Variants in CAMKMT observed in about 807,000 individuals in gnomAD.
The protein encoded by CAMKMT is CaM KMT.
In CAMKMT, 53 loss-of-function variants were observed where a neutral mutation model predicts 48.0. That is an observed-to-expected ratio of 1.10 (90% CI 0.89 to 1.39). The LOEUF (loss-of-function observed/expected upper bound fraction) is 1.39. Among genes scored for constraint, CAMKMT ranks in the 40% most tolerant of loss-of-function variants. CAMKMT has a pLI of 0.00. For missense variants in CAMKMT, 428 were observed against 402.7 expected (o/e 1.06, Z -0.54); for synonymous variants, 165 against 152.3 (o/e 1.08, Z -0.61).
intron 3 of CAMKMT, among the ~76,000 whole-genome samples, chr2:44,557,203 C>A (rs182394602): frequency 6.6e-6 from 1 of 152,128 alleles, no homozygotes; most frequent in East Asian, 1.9e-4. Flanking sequence ...TGTCCTCTTT[C>A]TGCCATCACT....
rs70937918 is a variant in CAMKMT, at chr2:44,497,709, AAGAGAGAG to A, written c.376+107431_376+107438del. Among the ~76,000 whole-genome samples, 90 of 138,986 alleles carry A rather than the reference AAGAGAGAG, an allele frequency of 6.5e-4. No individual in the cohort carries two copies. The East Asian group carries it at 7.4e-3, about 11-fold the overall frequency. The allele number at this position is 138,986 out of a possible 152,430, so 91.2% of individuals were successfully genotyped here. On this transcript the variant is annotated intron_variant, in intron 3 of 10. Coordinates refer to ENST00000378494, the MANE Select transcript of CAMKMT (RefSeq NM_024766.5). ...GTAATTTAAAAAAATTAAGCAGGCA[AAGAGAGAG>A]AGAGAGAGAGAGAGAGAGAGAGAGA...
chr2:44,369,003 A>G (rs1678899938), intron 1 of CAMKMT, among the ~76,000 whole-genome samples: 1 of 152,064 alleles, frequency 6.6e-6, no homozygotes, highest in African/African-American at 2.4e-5. Flanking sequence ...CTCGTGCCTC[A>G]GCCTCTCAAG....
chr2:44,715,591 C>G (rs964108137), intron 7 of CAMKMT, among the ~76,000 whole-genome samples: 1 of 152,152 alleles, frequency 6.6e-6, no homozygotes, highest in African/African-American at 2.4e-5. Context: ...ATATTAAACA[C>G]TGGGTTGGGG....
At chr2:44,718,697 AT>A (rs1392359038) in intron 7 of CAMKMT, among the ~76,000 whole-genome samples, 1 of 152,186 alleles carries the variant, frequency 6.6e-6, no homozygotes, top group Non-Finnish European at 1.5e-5. Context: ...TCTGGTTAAT[AT>A]TAGTTGAGAG....
chr2:44,550,885 C>G (rs991045456), intron 3 of CAMKMT: 1 of 152,186 alleles, frequency 6.6e-6, no homozygotes, highest in East Asian at 1.9e-4. Flanking sequence ...CTCTGTATAT[C>G]TTCATAGAGA....
At chr2:44,429,112 C>T (rs1410693150) in intron 3 of CAMKMT, among the ~76,000 whole-genome samples, 1 of 152,128 alleles carries the variant, frequency 6.6e-6, no homozygotes, top group African/African-American at 2.4e-5. Context: ...TGAGCCCCAC[C>T]AGTGAAATTG....
At chr2:44,488,956 C>T (rs571039125) in intron 3 of CAMKMT, among the ~76,000 whole-genome samples, 28 of 151,828 alleles carry the variant, frequency 1.8e-4, no homozygotes, top group African/African-American at 3.4e-4. Flanking sequence ...GCCTTGAACT[C>T]GTGGGCTCAA....
At chr2:44,561,308 A>T (rs1398269412) in intron 3 of CAMKMT, among the ~76,000 whole-genome samples, 3 of 152,168 alleles carry the variant, frequency 2.0e-5, no homozygotes, top group Non-Finnish European at 4.4e-5. Context: ...TGAATTCTCC[A>T]TCTAGCTGGT....
intron 3 of CAMKMT, among the ~76,000 whole-genome samples, chr2:44,474,611 T>G (rs1049841250): frequency 1.2e-4 from 19 of 152,178 alleles, no homozygotes; most frequent in African/African-American, 4.1e-4. Context: ...AATTCCTATA[T>G]GTCTATCAAC....
At chr2:44,625,549 T>C (rs936563652) in intron 3 of CAMKMT, among the ~76,000 whole-genome samples, 4 of 152,162 alleles carry the variant, frequency 2.6e-5, no homozygotes, top group African/African-American at 9.6e-5. Context: ...TTTTCTTTTA[T>C]GGCTAGTGCA....
intron 7 of CAMKMT, among the ~76,000 whole-genome samples, chr2:44,723,450 G>C (rs1325801260): frequency 6.6e-6 from 1 of 151,978 alleles, no homozygotes. Flanking sequence ...AATTAGCCAG[G>C]CGTGTCGGCG....
At chr2:44,699,304 A>C (rs1677134662) in intron 3 of CAMKMT, among the ~76,000 whole-genome samples, 1 of 152,220 alleles carries the variant, frequency 6.6e-6, no homozygotes, top group Non-Finnish European at 1.5e-5. Context: ...ATAAGATTTG[A>C]AAGTCAAAAT....
At chr2:44,625,021 G>T (rs372929435) in intron 3 of CAMKMT, among the ~76,000 whole-genome samples, 11 of 152,268 alleles carry the variant, frequency 7.2e-5, no homozygotes, top group Admixed American at 3.3e-4. Flanking sequence ...TGCCGGAATG[G>T]CTGGGTTTTA....
At chr2:44,667,169 T>C (rs779097891) in intron 3 of CAMKMT, among the ~76,000 whole-genome samples, 5 of 152,230 alleles carry the variant, frequency 3.3e-5, no homozygotes, top group Admixed American at 3.3e-4. Context: ...CACCCATCGC[T>C]GGGAGCTTTA....
At chr2:44,600,045 A>T (rs1670891937) in intron 3 of CAMKMT, among the ~76,000 whole-genome samples, 1 of 152,098 alleles carries the variant, frequency 6.6e-6, no homozygotes, top group Non-Finnish European at 1.5e-5. Context: ...TCTTTACTTC[A>T]TAAAAACCCA....
chr2:44,720,650 G>T (rs1678415422), intron 7 of CAMKMT, among the ~76,000 whole-genome samples: 1 of 152,118 alleles, frequency 6.6e-6, no homozygotes, highest in South Asian at 2.1e-4. Flanking sequence ...AACTGCTGCA[G>T]TGAGACACAT....
chr2:44,538,682 A>T (rs991967152), intron 3 of CAMKMT, among the ~76,000 whole-genome samples: 1 of 152,104 alleles, frequency 6.6e-6, no homozygotes, highest in African/African-American at 2.4e-5. Context: ...ATATACTGCT[A>T]GGGTGATGGG....
intron 7 of CAMKMT, among the ~76,000 whole-genome samples, chr2:44,732,373 G>C (rs1679123102): frequency 1.3e-5 from 2 of 152,162 alleles, no homozygotes; most frequent in Admixed American, 6.5e-5. Flanking sequence ...TTAATATTGT[G>C]ATGAAATAAA....
At chr2:44,525,695 T>C (rs1231627965) in intron 3 of CAMKMT, among the ~76,000 whole-genome samples, 1 of 152,208 alleles carries the variant, frequency 6.6e-6, no homozygotes, top group Non-Finnish European at 1.5e-5. Context: ...TGGGAATTAG[T>C]GTACTTATTT....
Sources: allele counts gnomAD v4.1 joint callset (sites outside exome capture counted in the v4.1 genomes callset), GRCh38; gene constraint gnomAD v4.1.1; transcripts MANE v1.5; gene names NCBI Gene and HGNC (gene_info 2026-07-23, HGNC 2026-07-21).